The following LPAR1 variants were observed in gnomAD, a reference collection of about 807,000 sequenced individuals.
LPAR1 encodes LPA receptor 1.
In LPAR1, 5 loss-of-function variants were observed where a neutral mutation model predicts 23.8. The observed-to-expected ratio is 0.21, with a 90% confidence interval of 0.11 to 0.44. The LOEUF (loss-of-function observed/expected upper bound fraction) is 0.44, where lower values mean the gene tolerates loss of function less well. Among genes scored for constraint, LPAR1 ranks in the 20% least tolerant of loss-of-function variants. The pLI is 0.99. For missense variants in LPAR1, 311 were observed against 482.8 expected, an observed-to-expected ratio of 0.64 and a Z score of 3.33; for synonymous variants, 160 against 164.7, an observed-to-expected ratio of 0.97 and a Z score of 0.22.
At chr9:111,023,299 TTC>T (rs577054120) in intron 2 of LPAR1, among the ~76,000 whole-genome samples, 216 of 152,260 alleles carry the variant, frequency 1.4e-3, no homozygotes, top group African/African-American at 5.0e-3. Context: ...TCTATTTTGC[TTC>T]TGTTACTATT....
chr9:111,029,984 G>A (rs1228273124), intron 2 of LPAR1, among the ~76,000 whole-genome samples: 1 of 147,952 alleles, frequency 6.8e-6, no homozygotes, highest in Non-Finnish European at 1.5e-5. Flanking sequence ...GAACCCAGGA[G>A]GCAGTGAGCC....
intron 5 of LPAR1, among the ~76,000 whole-genome samples, chr9:110,895,305 C>T (rs1000346996): frequency 2.0e-5 from 3 of 152,172 alleles, no homozygotes; most frequent in African/African-American, 7.2e-5. Flanking sequence ...AGTTGCATAG[C>T]CAGAACAGCT....
chr9:110,894,526 G>A (rs1216609238), intron 5 of LPAR1, among the ~76,000 whole-genome samples: 14 of 152,140 alleles, frequency 9.2e-5, no homozygotes. Context: ...CAAGAAATGT[G>A]GATATTTTGG....
At chr9:110,996,404 A>G (rs181393969) in intron 2 of LPAR1, among the ~76,000 whole-genome samples, 196 of 152,240 alleles carry the variant, frequency 1.3e-3, no homozygotes, top group African/African-American at 4.5e-3. Context: ...TTAAAAAATA[A>G]TAATAAATAT....
chr9:111,031,207 T>A (rs756248207), intron 2 of LPAR1, among the ~76,000 whole-genome samples: 1 of 151,862 alleles, frequency 6.6e-6, no homozygotes, highest in Non-Finnish European at 1.5e-5. Flanking sequence ...CTGAGTGACT[T>A]CAAGATCATA....
chr9:110,883,823 C>T (rs2081549298), intron 5 of LPAR1, among the ~76,000 whole-genome samples: 1 of 152,186 alleles, frequency 6.6e-6, no homozygotes, highest in African/African-American at 2.4e-5. Context: ...GACTTACTAA[C>T]CCAATCGAAC....
intron 2 of LPAR1, among the ~76,000 whole-genome samples, chr9:111,001,361 C>A (rs530738649): frequency 1.3e-5 from 2 of 152,208 alleles, no homozygotes; most frequent in South Asian, 4.2e-4. Flanking sequence ...GAGGACTTGA[C>A]CTACCAATGA....
At chr9:110,925,662 G>C (rs2093965224) in intron 5 of LPAR1, among the ~76,000 whole-genome samples, 1 of 152,206 alleles carries the variant, frequency 6.6e-6, no homozygotes. Flanking sequence ...TCCTGGGAAG[G>C]CAGCTCCAAC....
At position 110,990,099 on chromosome 9, in the gene LPAR1, T is replaced by C. The variant is rs372439463; in HGVS notation, c.-181-16541A>G. ...AGTGTATGCATCTAATTACAGATTT[T>C]TGAAACATACGAAGTAAAAACGAGT... On this transcript the variant is annotated intron_variant, in intron 2 of 5. Coordinates refer to ENST00000683809, the MANE Select transcript of LPAR1 (RefSeq NM_001351411.2). 9.9e-5 allele frequency among the ~76,000 whole-genome samples: 15 copies of C among 152,262 alleles called. No individual in the cohort carries two copies. In the East Asian group the frequency reaches 1.9e-3, roughly 20 times the overall value.
intron 5 of LPAR1, among the ~76,000 whole-genome samples, chr9:110,884,424 T>A (rs1481378786): frequency 6.6e-6 from 1 of 152,228 alleles, no homozygotes; most frequent in Non-Finnish European, 1.5e-5. Context: ...TTATTTATAA[T>A]GTGATTATTG....
At chr9:110,896,036 C>G (rs902012554) in intron 5 of LPAR1, among the ~76,000 whole-genome samples, 4 of 152,136 alleles carry the variant, frequency 2.6e-5, no homozygotes, top group African/African-American at 9.7e-5. Context: ...AAGATGTAAG[C>G]TGGGTCAATT....
At chr9:110,930,850 T>G (rs991118232) in intron 5 of LPAR1, among the ~76,000 whole-genome samples, 7 of 151,856 alleles carry the variant, frequency 4.6e-5, no homozygotes, top group African/African-American at 1.7e-4. Context: ...GGGAGGCAGA[T>G]GTTGCGGTGA....
At chr9:111,016,704 C>A (rs903316609) in intron 2 of LPAR1, among the ~76,000 whole-genome samples, 1 of 152,154 alleles carries the variant, frequency 6.6e-6, no homozygotes, top group Non-Finnish European at 1.5e-5. Context: ...TCAAAAATAT[C>A]CTTTTGCATG....
At chr9:110,881,339 A>G (rs1411945013) in intron 5 of LPAR1, among the ~76,000 whole-genome samples, 4 of 152,306 alleles carry the variant, frequency 2.6e-5, no homozygotes, top group East Asian at 3.9e-4. Context: ...GAGAAGGATA[A>G]TAACACCATA....
At chr9:110,981,567 A>G (rs1435364183) in intron 2 of LPAR1, among the ~76,000 whole-genome samples, 3 of 145,398 alleles carry the variant, frequency 2.1e-5, no homozygotes, top group Non-Finnish European at 3.0e-5. Context: ...AACATTTACA[A>G]GTTTGATTTT....
chr9:110,882,285 A>G (rs1047048212), intron 5 of LPAR1, among the ~76,000 whole-genome samples: 8 of 152,216 alleles, frequency 5.3e-5, no homozygotes, highest in Non-Finnish European at 8.8e-5. Context: ...TCATGTCTGT[A>G]TCTCTGGAAT....
intron 2 of LPAR1, among the ~76,000 whole-genome samples, chr9:111,021,878 T>C (rs995296741): frequency 2.7e-5 from 4 of 145,868 alleles, no homozygotes; most frequent in African/African-American, 7.7e-5. Flanking sequence ...GGAGAATCGC[T>C]TGAACCACCC....
chr9:110,884,122 G>A (rs1305649233), intron 5 of LPAR1, among the ~76,000 whole-genome samples: 2 of 152,158 alleles, frequency 1.3e-5, no homozygotes, highest in African/African-American at 4.8e-5. Context: ...CATAGTACGA[G>A]TCCTTACTTA....
chr9:110,898,647 C>T (rs545177408), intron 5 of LPAR1, among the ~76,000 whole-genome samples: 3 of 152,310 alleles, frequency 2.0e-5, no homozygotes, highest in Admixed American at 6.5e-5. Context: ...ATTGTCCTTT[C>T]CACAAAACAT....
Sources: allele counts gnomAD v4.1 joint callset (sites outside exome capture counted in the v4.1 genomes callset), GRCh38; gene constraint gnomAD v4.1.1; transcripts MANE v1.5; gene names NCBI Gene and HGNC (gene_info 2026-07-23, HGNC 2026-07-21).